Variants in CPE observed in about 807,000 individuals in gnomAD.
CPE encodes carbocypeptidase E.
Under a neutral mutation model 53.5 loss-of-function variants are expected in CPE, and 17 were observed. The ratio of observed to expected loss-of-function variants is 0.32; its 90% confidence interval spans 0.22 to 0.48. The LOEUF (loss-of-function observed/expected upper bound fraction) is 0.48. Ranked by LOEUF, CPE falls within the 20% of genes least tolerant of loss-of-function variation. The pLI is 0.99. For missense variants in CPE, 524 were observed against 614.7 expected, an observed-to-expected ratio of 0.85 and a Z score of 1.56; for synonymous variants, 226 against 228.8, an observed-to-expected ratio of 0.99 and a Z score of 0.11.
At chr4:165,424,571 T>C (rs1190754189) in intron 1 of CPE, among the ~76,000 whole-genome samples, 1 of 152,212 alleles carries the variant, frequency 6.6e-6, no homozygotes, top group Non-Finnish European at 1.5e-5. Context: ...TCTCGCTCTG[T>C]AGCCCAGGCT....
At chr4:165,406,906 G>C (rs916171466) in intron 1 of CPE, among the ~76,000 whole-genome samples, 4 of 152,170 alleles carry the variant, frequency 2.6e-5, no homozygotes, top group Non-Finnish European at 5.9e-5. Context: ...TTAGCATAAT[G>C]TTTTCAAGGT....
chr4:165,464,432 A>C lies in CPE; in HGVS notation c.350A>C (p.Glu117Ala). ...FKYIGNMHGN[E>A]AVGRELLIFL... ...TACATTGGGAATATGCATGGGAATG[A>C]GGCTGTTGGACGAGAACTGCTCATT... The change falls in exon 2 of 9, where the codon GAG (glutamate) becomes GCG (alanine). Residue 117 changes from glutamate to alanine, a missense_variant. Coordinates refer to ENST00000402744, the MANE Select transcript of CPE (RefSeq NM_001873.4). The C allele has an allele frequency of 6.2e-7, 1 of 1,612,780 alleles. No homozygotes were observed. Among genetic ancestry groups the C allele is most frequent in the Non-Finnish European group, 8.5e-7 (1 of 1,179,416 alleles).
chr4:165,403,323 TA>T (rs532784430), intron 1 of CPE, among the ~76,000 whole-genome samples: 72 of 150,658 alleles, frequency 4.8e-4, no homozygotes, highest in Middle Eastern at 3.4e-3. Context: ...TGTAAGAAAT[TA>T]AAAAAAAAAT....
chr4:165,437,363 A>AT (rs752204233), intron 1 of CPE, among the ~76,000 whole-genome samples: 14 of 152,122 alleles, frequency 9.2e-5, no homozygotes, highest in Admixed American at 3.3e-4. Context: ...TTTTCAGCAT[A>AT]TTTTTTCAGA....
intron 1 of CPE, among the ~76,000 whole-genome samples, chr4:165,460,325 G>C (rs957275301): frequency 6.6e-6 from 1 of 152,130 alleles, no homozygotes; most frequent in Non-Finnish European, 1.5e-5. Flanking sequence ...GATTCTGAAG[G>C]CAAAATTTCT....
intron 1 of CPE, among the ~76,000 whole-genome samples, chr4:165,390,493 A>G (rs1391452221): frequency 2.0e-5 from 3 of 152,346 alleles, no homozygotes; most frequent in Admixed American, 2.0e-4. Context: ...GAACATGTGC[A>G]AAATACCTGA....
chr4:165,385,007 T>G (rs751945937), intron 1 of CPE, among the ~76,000 whole-genome samples: 3 of 152,144 alleles, frequency 2.0e-5, no homozygotes, highest in Admixed American at 6.5e-5. Flanking sequence ...TTGATGAAAA[T>G]GATTAAAGTT....
chr4:165,428,872 T>C (rs547579267), intron 1 of CPE, among the ~76,000 whole-genome samples: 1 of 152,322 alleles, frequency 6.6e-6, no homozygotes, highest in Non-Finnish European at 1.5e-5. Flanking sequence ...ACTTCCCTAT[T>C]GCAAGATCAT....
At chr4:165,445,930 T>C (rs182967842) in intron 1 of CPE, among the ~76,000 whole-genome samples, 2 of 146,900 alleles carry the variant, frequency 1.4e-5, no homozygotes, top group Admixed American at 1.4e-4. Context: ...GCTATTATAA[T>C]AGAATAAAGT....
At chr4:165,453,397 T>C (rs1433654843) in intron 1 of CPE, among the ~76,000 whole-genome samples, 15 of 151,348 alleles carry the variant, frequency 9.9e-5, no homozygotes, top group African/African-American at 3.6e-4. Context: ...TCTCTTTCTT[T>C]CTTTCTTTTT....
At chr4:165,463,594 C>T (rs542071346) in intron 1 of CPE, among the ~76,000 whole-genome samples, 23 of 152,282 alleles carry the variant, frequency 1.5e-4, no homozygotes, top group South Asian at 4.1e-4. Context: ...AAAACATAGA[C>T]GTTTAAGTAA....
intron 2 of CPE, among the ~76,000 whole-genome samples, chr4:165,465,806 A>G (rs1560890435): frequency 6.6e-6 from 1 of 152,176 alleles, no homozygotes; most frequent in East Asian, 1.9e-4. Context: ...TGTTAAATTC[A>G]TTTTAAGCTT....
chr4:165,483,966 G>A (rs1381068002), intron 4 of CPE, among the ~76,000 whole-genome samples: 9 of 152,250 alleles, frequency 5.9e-5, no homozygotes, highest in African/African-American at 2.2e-4. Context: ...TAAGAACACA[G>A]TGTATCAAAA....
chr4:165,491,727 TTTC>T (rs1326750138), intron 6 of CPE, among the ~76,000 whole-genome samples: 2 of 152,116 alleles, frequency 1.3e-5, no homozygotes, highest in African/African-American at 4.8e-5. Context: ...GTGTGAGAGT[TTTC>T]TTTTTTTTTA....
intron 2 of CPE, among the ~76,000 whole-genome samples, chr4:165,466,796 G>A (rs763893646): frequency 5.3e-5 from 8 of 152,044 alleles, no homozygotes; most frequent in African/African-American, 9.7e-5. Flanking sequence ...GATTACAGGC[G>A]TGAGCCACTG....
chr4:165,412,050 C>G (rs186901687), intron 1 of CPE, among the ~76,000 whole-genome samples: 1 of 152,304 alleles, frequency 6.6e-6, no homozygotes, highest in Non-Finnish European at 1.5e-5. Flanking sequence ...CTGGAACAGC[C>G]TCTGTCTACA....
chr4:165,471,621 A>G (rs570864708), intron 3 of CPE, among the ~76,000 whole-genome samples: 1 of 152,342 alleles, frequency 6.6e-6, no homozygotes, highest in Non-Finnish European at 1.5e-5. Context: ...AGACGTTTTA[A>G]ATGCCTTGAG....
intron 1 of CPE, among the ~76,000 whole-genome samples, chr4:165,431,214 C>A (rs572737858): frequency 8.5e-5 from 13 of 152,326 alleles, no homozygotes; most frequent in Admixed American, 7.2e-4. Flanking sequence ...GGCTTCCTGT[C>A]TTAATGTGAT....
chr4:165,487,686 A>T (rs998179462), intron 6 of CPE, 109 bp downstream of exon 6: 34 of 1,261,540 alleles, frequency 2.7e-5, no homozygotes, highest in Non-Finnish European at 3.7e-5. Context: ...CAGAATGAGG[A>T]TGCCATATTT....
Sources: allele counts gnomAD v4.1 joint callset (sites outside exome capture counted in the v4.1 genomes callset), GRCh38; gene constraint gnomAD v4.1.1; transcripts MANE v1.5; gene names NCBI Gene and HGNC (gene_info 2026-07-23, HGNC 2026-07-21).